ROBO2: variants seen among roughly 807,000 people sequenced by gnomAD.
ROBO2 encodes roundabout guidance receptor 2.
A neutral mutation model predicts 160.8 loss-of-function variants in ROBO2; 53 were observed. That is an observed-to-expected ratio of 0.33 (90% CI 0.26 to 0.41). The LOEUF (loss-of-function observed/expected upper bound fraction) is 0.41, where lower values mean the gene tolerates loss of function less well. ROBO2 is among the 10% of genes least tolerant of loss of function. The pLI, the probability that ROBO2 is intolerant of heterozygous loss-of-function variation, is 1.00. For synonymous variants in ROBO2, 664 were observed against 611.7 expected (o/e 1.09, Z -1.26); for missense variants, 1,577 against 1,722.4 (o/e 0.92, Z 1.49).
At chr3:76,352,542 G>T (rs1576608633) in intron 2 of ROBO2, among the ~76,000 whole-genome samples, 1 of 152,026 alleles carries the variant, frequency 6.6e-6, no homozygotes, top group South Asian at 2.1e-4. Context: ...TCCCTAGGCA[G>T]ATTTGAATGA....
intron 24 of ROBO2, among the ~76,000 whole-genome samples, chr3:77,641,239 C>A (rs2095346453): frequency 6.6e-6 from 1 of 152,176 alleles, no homozygotes; most frequent in African/African-American, 2.4e-5. Context: ...AGACCCTGTT[C>A]CCTTCAGTTA....
chr3:76,115,785 A>G (rs1355676558), intron 2 of ROBO2, among the ~76,000 whole-genome samples: 4 of 152,108 alleles, frequency 2.6e-5, no homozygotes, highest in Non-Finnish European at 4.4e-5. Flanking sequence ...TAATTTAGCC[A>G]TATGGACATC....
chr3:76,050,827 C>T (rs1352183294), intron 2 of ROBO2, among the ~76,000 whole-genome samples: 2 of 152,222 alleles, frequency 1.3e-5, no homozygotes, highest in Non-Finnish European at 2.9e-5. Context: ...GAAGTCTTCT[C>T]TAATGAATAT....
chr3:77,186,554 C>T (rs757011449), intron 2 of ROBO2, among the ~76,000 whole-genome samples: 9 of 151,998 alleles, frequency 5.9e-5, no homozygotes, highest in East Asian at 1.9e-4. Context: ...AGAGATTATA[C>T]GGAGCACAGA....
At chr3:76,747,506 A>G (rs188386021) in intron 2 of ROBO2, among the ~76,000 whole-genome samples, 148 of 152,202 alleles carry the variant, frequency 9.7e-4, no homozygotes, top group Non-Finnish European at 1.9e-3. Context: ...TAATATCATG[A>G]CTTAGAGAAA....
rs112392417 is a variant in ROBO2 at position 76,831,578 on chromosome 3, A to G, written c.110-266436A>G. Among the ~76,000 whole-genome samples, 301 of 152,296 alleles carry G rather than the reference A, an allele frequency of 2.0e-3. 2 individuals are homozygous for G. The highest frequency in any genetic ancestry group is 6.7e-3 in the African/African-American group (277 of 41,556). Reference sequence around the variant, plus strand: ...ATAATAAATGTATCAGCTTTTCCTCATGACTCAACTCGTTATAGGAGACCA... The same window carrying G: ...ATAATAAATGTATCAGCTTTTCCTCGTGACTCAACTCGTTATAGGAGACCA... On this transcript the variant is annotated intron_variant, in intron 2 of 26. Coordinates refer to the ROBO2 transcript ENST00000487694.
chr3:77,314,116 C>T (rs1208898109), intron 2 of ROBO2, among the ~76,000 whole-genome samples: 3 of 152,110 alleles, frequency 2.0e-5, no homozygotes, highest in African/African-American at 4.8e-5. Flanking sequence ...GTAATGCATG[C>T]CATATTCTGT....
chr3:77,391,060 G>A (rs1484689668), intron 2 of ROBO2, among the ~76,000 whole-genome samples: 1 of 151,928 alleles, frequency 6.6e-6, no homozygotes, highest in East Asian at 1.9e-4. Flanking sequence ...CCCTCAAAAG[G>A]CATTAATTCC....
intron 2 of ROBO2, among the ~76,000 whole-genome samples, chr3:76,228,368 C>T (rs1704419545): frequency 6.6e-6 from 1 of 152,112 alleles, no homozygotes; most frequent in Non-Finnish European, 1.5e-5. Flanking sequence ...CAGCCAGAAA[C>T]TTGGTGCATT....
Position 77,313,734 on chromosome 3 carries a change from G to C in ROBO2, c.389-163680G>C, listed in dbSNP as rs370047665. Among the ~76,000 whole-genome samples the C allele has an allele frequency of 5.9e-5, 9 of 152,014 alleles. No homozygotes were observed. In the East Asian group the frequency reaches 1.7e-3, roughly 29 times the overall value. ...CGAGTAGTTAGGATTACAGGCATGC[G>C]CCACCACGCCCAGCTAATTTTGTAT... On this transcript the variant is annotated intron_variant, in intron 2 of 25. Transcript: ENST00000461745.
intron 2 of ROBO2, among the ~76,000 whole-genome samples, chr3:76,478,184 C>G (rs1224215890): frequency 8.5e-5 from 11 of 128,702 alleles, no homozygotes; most frequent in Non-Finnish European, 1.6e-5. Context: ...CCCCTCCCCC[C>G]CACCCCACAA....
At chr3:76,124,509 C>A (rs2070888278) in intron 2 of ROBO2, among the ~76,000 whole-genome samples, 1 of 152,086 alleles carries the variant, frequency 6.6e-6, no homozygotes, top group Middle Eastern at 3.2e-3. Flanking sequence ...AATTTTTACA[C>A]ACACCAGTTG....
intron 2 of ROBO2, among the ~76,000 whole-genome samples, chr3:75,993,746 A>G (rs2065639653): frequency 6.6e-6 from 1 of 152,158 alleles, no homozygotes; most frequent in Non-Finnish European, 1.5e-5. Context: ...TTGACTTAAT[A>G]CATTGAAGCA....
At position 77,531,032 on chromosome 3, in the gene ROBO2, G is replaced by C. The variant is rs1327539617; in HGVS notation, c.934+8130G>C. 2.0e-5 allele frequency among the ~76,000 whole-genome samples: 3 copies of C among 151,962 alleles called. No individual in the cohort carries two copies. The South Asian group carries it at 6.2e-4, about 31-fold the overall frequency. ...CCAGCAGCAACTCAAAACATGATGAGTAATTTGGAAAGGAACTGTGGAATC... is the reference window on the plus strand; with the variant it reads ...CCAGCAGCAACTCAAAACATGATGACTAATTTGGAAAGGAACTGTGGAATC... On this transcript the variant is annotated intron_variant, in intron 6 of 25. Coordinates refer to ENST00000461745, the Ensembl canonical transcript of ROBO2.
At chr3:77,619,724 G>A (rs753616921) in intron 22 of ROBO2, among the ~76,000 whole-genome samples, 7 of 152,084 alleles carry the variant, frequency 4.6e-5, no homozygotes, top group South Asian at 2.1e-4. Context: ...ATCATATTGC[G>A]ATGCTTTTTG....
chr3:77,334,469 T>C (rs989408116), intron 2 of ROBO2, among the ~76,000 whole-genome samples: 1 of 152,208 alleles, frequency 6.6e-6, no homozygotes, highest in Admixed American at 6.5e-5. Context: ...TGTTTGCTTG[T>C]TTGTTTCGGC....
chr3:76,106,163 G>A (rs999670251), intron 2 of ROBO2, among the ~76,000 whole-genome samples: 6 of 152,106 alleles, frequency 3.9e-5, no homozygotes, highest in Admixed American at 6.5e-5. Flanking sequence ...AGTTGGAAAA[G>A]GCAAACATGT....
chr3:77,033,966 C>A (rs1482280469), intron 2 of ROBO2, among the ~76,000 whole-genome samples: 2 of 151,680 alleles, frequency 1.3e-5, no homozygotes, highest in African/African-American at 2.4e-5. Flanking sequence ...AAATTTGTAC[C>A]TAGTTGTCAA....
At chr3:76,079,678 G>T (rs1420274381) in intron 2 of ROBO2, among the ~76,000 whole-genome samples, 2 of 152,026 alleles carry the variant, frequency 1.3e-5, no homozygotes, top group South Asian at 2.1e-4. Context: ...TAAAGATGGG[G>T]TTTCACCGTG....
Sources: allele counts gnomAD v4.1 joint callset (sites outside exome capture counted in the v4.1 genomes callset), GRCh38; gene constraint gnomAD v4.1.1; transcripts MANE v1.5; gene names NCBI Gene and HGNC (gene_info 2026-07-23, HGNC 2026-07-21).